Variants in EPG5 observed in about 807,000 individuals in gnomAD.
The protein encoded by EPG5 is ectopic P granules protein 5 homolog.
A neutral mutation model predicts 302.7 loss-of-function variants in EPG5; 159 were observed. That is an observed-to-expected ratio of 0.53 (90% confidence interval 0.46 to 0.60). EPG5 has a LOEUF of 0.60. Ranked by LOEUF, EPG5 falls within the 20% of genes least tolerant of loss-of-function variation. The pLI is 0.00. For missense variants in EPG5, 2,896 were observed against 3,092.4 expected (o/e 0.94, Z 1.51); for synonymous variants, 1,158 against 1,136.8 (o/e 1.02, Z -0.37).
Position 45,955,224 on chromosome 18 carries a change from G to A in EPG5, c.178C>T (p.Leu60=). The change falls in exon 2 of 44, where the codon CTG becomes TTG. Residue 60 remains leucine, a synonymous_variant. Transcript: ENST00000282041. The stretch of plus-strand genomic sequence containing the variant: ...AGCTGGGAATCAGTTACCACCTTCA[G>A]ATGGTCTCCTTTGAATTCACAGGCT... ...SLACEFKGDH[L]KVVTDSQLQD... is the part of the protein sequence containing the mutation. The A allele has an allele frequency of 1.2e-6, 2 of 1,614,202 alleles. No homozygotes were observed. The highest frequency in any genetic ancestry group is 8.5e-7 in the Non-Finnish European group (1 of 1,180,024).
At chr18:45,835,731 T>C in the EPG5 span, among the ~76,000 whole-genome samples, 1 of 151,878 alleles carries the variant, frequency 6.6e-6, no homozygotes, top group Non-Finnish European at 1.5e-5. Flanking sequence ...TGAAACACAG[T>C]GGGATTTTTT....
intron 23 of EPG5, among the ~76,000 whole-genome samples, chr18:45,909,939 C>A (rs1479954144): frequency 6.6e-6 from 1 of 152,182 alleles, no homozygotes; most frequent in Non-Finnish European, 1.5e-5. Context: ...CCACTGCATT[C>A]CAGCCTGGGC....
chr18:45,879,063 T>A lies in EPG5; in HGVS notation c.5819A>T (p.Asp1940Val), dbSNP rs765081514. The change falls in exon 33 of 44, where the codon GAC becomes GTC. Residue 1940 changes from aspartate (D) to valine (V), a missense_variant. Asp to Val is a radical substitution (Grantham distance 152, BLOSUM62 -3). This residue lies in a region of EPG5 where 790 missense variants were observed against 798.0 expected (regional missense o/e 0.99). Coordinates refer to ENST00000282041, the MANE Select transcript of EPG5 (RefSeq NM_020964.3). Reference sequence around the variant, plus strand: ...TTGGGCCAAACAGGTCATTTCTAAGTCAATCAGCCTTTTCACAAGGTAGCC... The same window carrying A: ...TTGGGCCAAACAGGTCATTTCTAAGACAATCAGCCTTTTCACAAGGTAGCC... Reference protein sequence around the residue: ...FLGYLVKRLIDLEMTCLAQDP... With the variant: ...FLGYLVKRLIVLEMTCLAQDP... 43 of 1,614,058 alleles carry A rather than the reference T, an allele frequency of 2.7e-5. No homozygotes were observed. The highest frequency in any genetic ancestry group is 3.6e-5 in the Non-Finnish European group (43 of 1,180,040).
At chr18:45,866,461 G>A (rs2048749747) in intron 38 of EPG5, among the ~76,000 whole-genome samples, 2 of 152,212 alleles carry the variant, frequency 1.3e-5, no homozygotes, top group South Asian at 4.1e-4. Context: ...AAAACTGAGG[G>A]ACTTGCCCTG....
chr18:45,866,363 C>T (rs1033551087), intron 38 of EPG5, among the ~76,000 whole-genome samples: 6 of 152,068 alleles, frequency 3.9e-5, no homozygotes, highest in African/African-American at 1.5e-4. Flanking sequence ...TCAGGTGATC[C>T]GCCCACCTTG....
chr18:45,834,907 G>C, the EPG5 span, among the ~76,000 whole-genome samples: 4 of 152,216 alleles, frequency 2.6e-5, no homozygotes, highest in African/African-American at 4.8e-5. Flanking sequence ...CTCAAGATTG[G>C]AGAGATGCTT....
At chr18:45,943,415 A>G in intron 8 of EPG5, 104 bp from the exon 9 acceptor site, 1 of 933,560 alleles carries the variant, frequency 1.1e-6, no homozygotes, top group Non-Finnish European at 1.6e-6. Context: ...GCCAAGGTGG[A>G]GAAGAACTGA....
At chr18:45,818,423 G>A in the EPG5 span, among the ~76,000 whole-genome samples, 1 of 152,028 alleles carries the variant, frequency 6.6e-6, no homozygotes, top group African/African-American at 2.4e-5. Flanking sequence ...CTAAAGAGAT[G>A]ACTGGTTGAT....
At chr18:45,887,980 C>T (rs2049255094) in intron 28 of EPG5, 73 bp from the exon 29 acceptor site, 2 of 1,170,686 alleles carry the variant, frequency 1.7e-6, no homozygotes, top group African/African-American at 3.1e-5. Flanking sequence ...CTTTGATACC[C>T]TACAATTTCT....
Position 45,907,839 on chromosome 18 carries a change from C to A in EPG5, c.4329+119G>T, listed in dbSNP as rs549412368. 72 of 957,356 alleles carry A rather than the reference C, an allele frequency of 7.5e-5. 1 individual carries two copies. In the African/African-American group the frequency reaches 1.0e-3, roughly 14 times the overall value. The allele number at this position is 957,356 out of a possible 1,614,324, so 59.3% of individuals were successfully genotyped here. ...ACTGACAAAACCATAGAAACAATGA[C>A]CATCTGAGTGACTACCCATTTTCTT... On this transcript the variant is annotated intron_variant, in intron 24 of 43. Coordinates refer to ENST00000282041, the MANE Select transcript of EPG5 (RefSeq NM_020964.3).
chr18:45,946,590 GC>G, intron 7 of EPG5, 72 bp downstream of exon 7: 1 of 1,131,380 alleles, frequency 8.8e-7, no homozygotes, highest in South Asian at 1.3e-5. Context: ...TGTGAAAAGT[GC>G]TTAGAACAAT....
intron 38 of EPG5, 51 bp from the exon 39 acceptor site, chr18:45,865,810 G>A: frequency 6.4e-7 from 1 of 1,568,756 alleles, no homozygotes; most frequent in South Asian, 1.1e-5. Flanking sequence ...AGCAAGGAGT[G>A]TTAACTGCAT....
At chr18:45,804,878 T>A in the EPG5 span, among the ~76,000 whole-genome samples, 1 of 152,164 alleles carries the variant, frequency 6.6e-6, no homozygotes, top group African/African-American at 2.4e-5. Flanking sequence ...AATTATGACC[T>A]TGCATTGTAG....
At chr18:45,908,445 T>C (rs2049812548) in intron 23 of EPG5, among the ~76,000 whole-genome samples, 1 of 152,190 alleles carries the variant, frequency 6.6e-6, no homozygotes, top group African/African-American at 2.4e-5. Flanking sequence ...ATTCAGTCAG[T>C]TATTTTTGCT....
the EPG5 span, among the ~76,000 whole-genome samples, chr18:45,805,770 T>C: frequency 2.0e-5 from 3 of 152,166 alleles, no homozygotes; most frequent in African/African-American, 7.2e-5. Flanking sequence ...TATTTCACAA[T>C]GATTAAAATG....
the EPG5 span, among the ~76,000 whole-genome samples, chr18:45,803,347 T>C: frequency 1.3e-5 from 2 of 151,820 alleles, no homozygotes; most frequent in Non-Finnish European, 2.9e-5. Context: ...AACTCAGGGG[T>C]TGGGAGAGGA....
rs34272674 is a variant in EPG5, at chr18:45,959,658, C to CTAAATAAA, written c.64-4328_64-4321dup. Among the ~76,000 whole-genome samples the CTAAATAAA allele has an allele frequency of 6.7e-3, 939 of 140,962 alleles. 3 individuals are homozygous for CTAAATAAA. Among genetic ancestry groups the CTAAATAAA allele is most frequent in the Non-Finnish European group, 8.9e-3 (584 of 65,490 alleles). 92.5% of individuals were successfully genotyped at this position (140,962 alleles called of 152,430 possible). A position where few individuals can be genotyped will look rare whatever the true frequency, so the allele number is the denominator to read the frequency against. On this transcript the variant is annotated intron_variant, in intron 1 of 43. Transcript: ENST00000282041. ...GGGTGGCAACAGAGCGAGACTGTCT[C>CTAAATAAA]TAAATAAATAAATAAATAAATAAAT...
chr18:45,858,471 T>A lies in EPG5; in HGVS notation c.7226+95A>T, dbSNP rs9961926. On this transcript the variant is annotated intron_variant, in intron 41 of 43. Coordinates refer to ENST00000282041, the MANE Select transcript of EPG5 (RefSeq NM_020964.3). ...CTTAAAACCTTATTTTTTATGCACCTCTTGGTTCTGTGTACTTAAAGCTAG... is the reference window on the plus strand; with the variant it reads ...CTTAAAACCTTATTTTTTATGCACCACTTGGTTCTGTGTACTTAAAGCTAG... 5.9e-3 allele frequency: 5,290 copies of A among 903,316 alleles called. 82 individuals are homozygous for A. The highest frequency in any genetic ancestry group is 0.048 in the African/African-American group (2,909 of 60,592). The allele number at this position is 903,316 out of a possible 1,614,324, so 56.0% of individuals were successfully genotyped here.
the EPG5 span, among the ~76,000 whole-genome samples, chr18:45,835,078 GA>G: frequency 2.1e-4 from 31 of 145,274 alleles, no homozygotes; most frequent in East Asian, 3.4e-3. Flanking sequence ...CATTTGTCCA[GA>G]AAAAAAAAAG....
Sources: gnomAD v4.1 joint callset for allele counts (sites outside exome capture counted in the v4.1 genomes callset) on GRCh38, gnomAD v4.1.1 for gene constraint, gnomAD v4.1.1 regional missense constraint, MANE v1.5 for transcripts, NCBI Gene and HGNC (gene_info 2026-07-23, HGNC 2026-07-21) for gene names.